Variants in P2RY13 observed in about 807,000 individuals in gnomAD.
P2RY13 encodes purinergic receptor P2Y13.
For synonymous variants in P2RY13, 150 were observed against 155.1 expected (o/e 0.97, Z 0.24); for missense variants, 412 against 418.4 (o/e 0.98, Z 0.13).
At position 151,326,445 on chromosome 3, in the gene P2RY13, G is replaced by C. The variant is rs1309517390; in HGVS notation, c.*1546C>G. 2 of 152,574 alleles carry C rather than the reference G, an allele frequency of 1.3e-5. No homozygotes were observed. The highest frequency in any genetic ancestry group is 1.5e-5 in the Non-Finnish European group (1 of 68,024). The allele number at this position is 152,574 out of a possible 1,614,324, so 9.5% of individuals were successfully genotyped here. A position where few individuals can be genotyped will look rare whatever the true frequency, so the allele number is the denominator to read the frequency against. On this transcript the variant is annotated 3_prime_UTR_variant, in exon 2 of 2. Transcript: ENST00000325602. ...GCAATGTGATAAGTTTAATAATATA[G>C]GTGTGACAGCATACAGAGGAGGGGG...
rs967772845 is a variant in P2RY13 at position 151,327,842 on chromosome 3, A to G, written c.*149T>C. On this transcript the variant is annotated 3_prime_UTR_variant, in exon 2 of 2. Transcript: ENST00000325602. ...TCAGCTTATGAATAGATCTATGTGG[A>G]TTTAAATTTTATATAATCTTTTCTG... 3.4e-6 allele frequency: 2 copies of G among 580,902 alleles called. No homozygotes were observed. The highest frequency in any genetic ancestry group is 1.9e-5 in the African/African-American group (1 of 52,558). The allele number at this position is 580,902 out of a possible 1,614,324, so 36.0% of individuals were successfully genotyped here. A position where few individuals can be genotyped will look rare whatever the true frequency, so the allele number is the denominator to read the frequency against.
intron 1 of P2RY13, 21 bp downstream of exon 1, chr3:151,329,460 A>G (rs973166718): frequency 8.7e-6 from 13 of 1,501,406 alleles, no homozygotes; most frequent in Non-Finnish European, 1.2e-5. Flanking sequence ...CACACTCATA[A>G]TAACAAAAAT....
chr3:151,328,870 A>G lies in P2RY13; in HGVS notation c.186T>C (p.Asn62=). Residue 62 remains asparagine (N), a synonymous_variant, in exon 2 of 2, where the codon AAT becomes AAC. Coordinates refer to ENST00000325602, the MANE Select transcript of P2RY13 (RefSeq NM_176894.3). The part of the protein sequence containing the change: ...TVVFLTGILL[N]TLALWVFVHI... ...GAACAAACACCCACAGAGCCAAAGT[A>G]TTCAGCAGGATGCCGGTCAAGAAAA... 6.2e-7 allele frequency: 1 copy of G among 1,614,072 alleles called. No homozygotes were observed. The highest frequency in any genetic ancestry group is 1.1e-5 in the South Asian group (1 of 91,082).
At chr3:151,329,141 ATG>A (rs1214392066) in intron 1 of P2RY13, 134 bp from the exon 2 acceptor site, 1 of 663,956 alleles carries the variant, frequency 1.5e-6, no homozygotes. Flanking sequence ...CTTTCAATAG[ATG>A]TGTTGAAAAG....
In P2RY13 at chr3:151,328,540, G is replaced by A. The variant is rs769231083; in HGVS notation, c.516C>T (p.Phe172=). Residue 172 remains phenylalanine, a synonymous_variant, in exon 2 of 2, where the codon TTC becomes TTT. Coordinates refer to ENST00000325602, the MANE Select transcript of P2RY13 (RefSeq NM_176894.3). ...AGATCGTATTTGGCAGGGAGATGAAGAACAAAAAGAACCAGATGAAGATTG... is the reference window on the plus strand; with the variant it reads ...AGATCGTATTTGGCAGGGAGATGAAAAACAAAAAGAACCAGATGAAGATTG... The part of the protein sequence containing the change: ...TVSIFIWFFL[F]FISLPNTILS... 3 of 1,613,778 alleles carry A rather than the reference G, an allele frequency of 1.9e-6. No individual in the cohort carries two copies. The highest frequency in any genetic ancestry group is 1.7e-6 in the Non-Finnish European group (2 of 1,179,822).
At position 151,327,714 on chromosome 3, in the gene P2RY13, A is replaced by C. The variant is rs1410409119; in HGVS notation, c.*277T>G. On this transcript the variant is annotated 3_prime_UTR_variant, in exon 2 of 2. Transcript: ENST00000325602. ...CTCCTTAGTCTTTTCCAAAATGTTA[A>C]AGTGAAATGCTCTTGAAATTAAAAA... The C allele has an allele frequency of 2.3e-5, 6 of 261,602 alleles. No individual in the cohort carries two copies. Among genetic ancestry groups the C allele is most frequent in the African/African-American group, 4.5e-5 (2 of 44,156 alleles). The allele number at this position is 261,602 out of a possible 1,614,324, so 16.2% of individuals were successfully genotyped here. A position where few individuals can be genotyped will look rare whatever the true frequency, so the allele number is the denominator to read the frequency against.
rs1172994194 is a variant in P2RY13, at chr3:151,328,962, TG to T, written c.93del (p.Asn31LysfsTer12). On this transcript the variant is annotated frameshift_variant, in exon 2 of 2. Coordinates refer to ENST00000325602, the MANE Select transcript of P2RY13 (RefSeq NM_176894.3). LOFTEE classifies it low-confidence loss of function (END_TRUNC). ...AMNTTVMQGF[N>X]RSERCPRDTR... ...GTGTCTCTGGGGCACCGCTCAGATC[TG>T]TTGAAGCCTTGCATCACTGTGGTGT... The T allele has an allele frequency of 6.2e-7, 1 of 1,613,234 alleles. No individual in the cohort carries two copies. The highest frequency in any genetic ancestry group is 2.2e-5 in the East Asian group (1 of 44,882).
chr3:151,326,613 A>T lies in P2RY13; in HGVS notation c.*1378T>A, dbSNP rs1749628889. ...TACATGTGTGGTGCCAAAACAGAGT[A>T]TGGCATTTTCTGAAAGTTAGAAATT... On this transcript the variant is annotated 3_prime_UTR_variant, in exon 2 of 2. Coordinates refer to ENST00000325602, the MANE Select transcript of P2RY13 (RefSeq NM_176894.3). The T allele has an allele frequency of 6.6e-6, 1 of 152,200 alleles. No individual in the cohort carries two copies. Among genetic ancestry groups the T allele is most frequent in the East Asian group, 1.9e-4 (1 of 5,194 alleles). The allele number at this position is 152,200 out of a possible 1,614,324, so 9.4% of individuals were successfully genotyped here. A position where few individuals can be genotyped will look rare whatever the true frequency, so the allele number is the denominator to read the frequency against.
Position 151,328,813 on chromosome 3 carries a change from G to T in P2RY13, c.243C>A (p.Tyr81Ter), listed in dbSNP as rs1262461075. The T allele has an allele frequency of 6.2e-7, 1 of 1,613,862 alleles. No homozygotes were observed. Among genetic ancestry groups the T allele is most frequent in the Non-Finnish European group, 8.5e-7 (1 of 1,179,922 alleles). Residue 81 changes from tyrosine to a stop codon, truncating the protein, a stop_gained, in exon 2 of 2, where the codon TAC (tyrosine) becomes TAA (stop). Coordinates refer to ENST00000325602, the MANE Select transcript of P2RY13 (RefSeq NM_176894.3). LOFTEE classifies it low-confidence loss of function (END_TRUNC). ...AGTCGGCCACCAAAGTGTTTTTGAGGTAGATGATGAAGGTGGAGGAGCTGG... is the reference window on the plus strand; with the variant it reads ...AGTCGGCCACCAAAGTGTTTTTGAGTTAGATGATGAAGGTGGAGGAGCTGG... ...HIPSSSTFII[Y>*]LKNTLVADLI...
At position 151,327,747 on chromosome 3, in the gene P2RY13, AAAG is replaced by A. The variant is rs1261231565; in HGVS notation, c.*241_*243del. 6.8e-5 allele frequency: 23 copies of A among 336,500 alleles called. No homozygotes were observed. The highest frequency in any genetic ancestry group is 1.4e-4 in the East Asian group (3 of 21,224). The allele number at this position is 336,500 out of a possible 1,614,324, so 20.8% of individuals were successfully genotyped here. ...TGCTCTTGAAATTAAAAAAAAAAAA[AAAG>A]AAAGAAAGAAATAATGACCTCTAGT... On this transcript the variant is annotated 3_prime_UTR_variant, in exon 2 of 2. Coordinates refer to ENST00000325602, the MANE Select transcript of P2RY13 (RefSeq NM_176894.3).
Position 151,328,450 on chromosome 3 carries a change from C to A in P2RY13, c.606G>T (p.Gly202=). The change falls in exon 2 of 2, where the codon GGG becomes GGT. Residue 202 remains glycine (G), a synonymous_variant. Transcript: ENST00000325602. ...TATTTACCATTTGATGCCATTTCAGCCCCAGAGGCCCCTTTAAGGAAGCAC... is the reference window on the plus strand; with the variant it reads ...TATTTACCATTTGATGCCATTTCAGACCCAGAGGCCCCTTTAAGGAAGCAC... The part of the protein sequence containing the change: ...KKCASLKGPL[G]LKWHQMVNNI... The A allele has an allele frequency of 6.2e-7, 1 of 1,613,602 alleles. No individual in the cohort carries two copies. The highest frequency in any genetic ancestry group is 8.5e-7 in the Non-Finnish European group (1 of 1,179,586).
rs1207444210 is a variant in P2RY13 at position 151,329,472 on chromosome 3, G to T, written c.48+9C>A. ...AAGCACACTCATAATAACAAAAATTGAAATTCACCTTTGGGAGGATACTCA... is the reference window on the plus strand; with the variant it reads ...AAGCACACTCATAATAACAAAAATTTAAATTCACCTTTGGGAGGATACTCA... On this transcript the variant is annotated intron_variant, in intron 1 of 1. Transcript: ENST00000325602. 2 of 1,530,042 alleles carry T rather than the reference G, an allele frequency of 1.3e-6. No homozygotes were observed. The highest frequency in any genetic ancestry group is 4.9e-5 in the East Asian group (2 of 40,424). 94.8% of individuals were successfully genotyped at this position (1,530,042 alleles called of 1,614,324 possible). A position where few individuals can be genotyped will look rare whatever the true frequency, so the allele number is the denominator to read the frequency against.
In P2RY13 at chr3:151,328,035, G is replaced by T; in HGVS notation, c.1021C>A (p.Gln341Lys). Residue 341 changes from glutamine (Q) to lysine (K), a missense_variant, in exon 2 of 2, where the codon CAA becomes AAA. By Grantham distance (53) the Gln-to-Lys change is moderately conservative. Coordinates refer to ENST00000325602, the MANE Select transcript of P2RY13 (RefSeq NM_176894.3). Reference sequence around the variant, plus strand: ...TCTGTCTGACTGCTATGATTTTCTTGGCTTGATGCTGTGGTCTTTCTCCCT... The same window carrying T: ...TCTGTCTGACTGCTATGATTTTCTTTGCTTGATGCTGTGGTCTTTCTCCCT... ...MQGRKTTASS[Q>K]ENHSSQTDNI... The T allele has an allele frequency of 6.3e-7, 1 of 1,595,736 alleles. No homozygotes were observed. The highest frequency in any genetic ancestry group is 8.5e-7 in the Non-Finnish European group (1 of 1,173,516).
At position 151,327,853 on chromosome 3, in the gene P2RY13, A is replaced by G. The variant is rs1749830482; in HGVS notation, c.*138T>C. Reference sequence around the variant, plus strand: ...ATAGATCTATGTGGATTTAAATTTTATATAATCTTTTCTGTACACGAGGAT... The same window carrying G: ...ATAGATCTATGTGGATTTAAATTTTGTATAATCTTTTCTGTACACGAGGAT... On this transcript the variant is annotated 3_prime_UTR_variant, in exon 2 of 2. Transcript: ENST00000325602. 6.4e-6 allele frequency: 4 copies of G among 623,276 alleles called. No homozygotes were observed. The East Asian group carries it at 1.1e-4, about 18-fold the overall frequency. 38.6% of individuals were successfully genotyped at this position (623,276 alleles called of 1,614,324 possible).
Position 151,326,424 on chromosome 3 carries a change from T to C in P2RY13, c.*1567A>G, listed in dbSNP as rs1039831986. ...AGGTCAGGAAGTAATTACAATGCAA[T>C]GTGATAAGTTTAATAATATAGGTGT... On this transcript the variant is annotated 3_prime_UTR_variant, in exon 2 of 2. Transcript: ENST00000325602. 2.6e-5 allele frequency: 4 copies of C among 152,484 alleles called. No homozygotes were observed. Among genetic ancestry groups the C allele is most frequent in the Admixed American group, 1.3e-4 (2 of 15,238 alleles). The allele number at this position is 152,484 out of a possible 1,614,324, so 9.4% of individuals were successfully genotyped here. A position where few individuals can be genotyped will look rare whatever the true frequency, so the allele number is the denominator to read the frequency against.
rs1749654623 is a variant in P2RY13, at chr3:151,326,806, G to A, written c.*1185C>T. 1 of 152,118 alleles carries A rather than the reference G, an allele frequency of 6.6e-6. No individual in the cohort carries two copies. Among genetic ancestry groups the A allele is most frequent in the Non-Finnish European group, 1.5e-5 (1 of 68,018 alleles). 9.4% of individuals were successfully genotyped at this position (152,118 alleles called of 1,614,324 possible). On this transcript the variant is annotated 3_prime_UTR_variant, in exon 2 of 2. Transcript: ENST00000325602. ...TTACAGAGCTTAACTACTCCTTTAT[G>A]TATTTTTTCTAGAAGATGTAGACTC...
At position 151,326,504 on chromosome 3, in the gene P2RY13, C is replaced by T. The variant is rs1199431890; in HGVS notation, c.*1487G>A. ...TTTGAGGTGATGGTGGGATATTGGC[C>T]AGGTAATATTTCATGGACCAAGTGA... is the stretch of plus-strand genomic sequence containing the variant. On this transcript the variant is annotated 3_prime_UTR_variant, in exon 2 of 2. Transcript: ENST00000325602. The T allele has an allele frequency of 1.3e-5, 2 of 152,370 alleles. No individual in the cohort carries two copies. Among genetic ancestry groups the T allele is most frequent in the Non-Finnish European group, 2.9e-5 (2 of 68,010 alleles). The allele number at this position is 152,370 out of a possible 1,614,324, so 9.4% of individuals were successfully genotyped here. A position where few individuals can be genotyped will look rare whatever the true frequency, so the allele number is the denominator to read the frequency against.
In P2RY13 at chr3:151,326,579, G is replaced by A. The variant is rs1422030128; in HGVS notation, c.*1412C>T. ...GATAAGAGTCTTCCAAGTGTACCAG[G>A]GGGAAATATACATGTGTGGTGCCAA... On this transcript the variant is annotated 3_prime_UTR_variant, in exon 2 of 2. Coordinates refer to ENST00000325602, the MANE Select transcript of P2RY13 (RefSeq NM_176894.3). The A allele has an allele frequency of 6.6e-6, 1 of 152,130 alleles. No individual in the cohort carries two copies. The allele number at this position is 152,130 out of a possible 1,614,324, so 9.4% of individuals were successfully genotyped here.
intron 1 of P2RY13, 110 bp downstream of exon 1, chr3:151,329,371 T>A (rs1750086730): frequency 1.6e-6 from 1 of 640,348 alleles, no homozygotes; most frequent in Non-Finnish European, 2.7e-6. Flanking sequence ...TAATTTCTTA[T>A]GCTCATAAAC....
Sources: gnomAD v4.1 joint callset for allele counts on GRCh38, gnomAD v4.1.1 for gene constraint, MANE v1.5 for transcripts, NCBI Gene and HGNC (gene_info 2026-07-23, HGNC 2026-07-21) for gene names.